AEBP2: variants seen among roughly 807,000 people sequenced by gnomAD.
The protein encoded by AEBP2 is zinc finger protein AEBP2.
A neutral mutation model predicts 50.8 loss-of-function variants in AEBP2; 10 were observed. The observed-to-expected ratio is 0.20, with a 90% CI of 0.12 to 0.33. The LOEUF (loss-of-function observed/expected upper bound fraction) is 0.33, where lower values mean the gene tolerates loss of function less well. Among genes scored for constraint, AEBP2 ranks in the 10% least tolerant of loss-of-function variants. The pLI, the probability that AEBP2 is intolerant of heterozygous loss-of-function variation, is 1.00. For synonymous variants in AEBP2, 296 were observed against 261.3 expected (o/e 1.13, Z -1.28); for missense variants, 570 against 688.0 (o/e 0.83, Z 1.92).
intron 1 of AEBP2, chr12:19,440,792 A>C: frequency 1.3e-6 from 2 of 1,527,916 alleles, no homozygotes; most frequent in Non-Finnish European, 1.8e-6. Context: ...TGTTTCCAAT[A>C]TGGCTGGTCT....
chr12:19,498,309 T>C (rs1194600842), intron 4 of AEBP2, among the ~76,000 whole-genome samples: 1 of 152,206 alleles, frequency 6.6e-6, no homozygotes, highest in East Asian at 1.9e-4. Context: ...CCCCTGGAAA[T>C]GTCAAGTACT....
intron 2 of AEBP2, among the ~76,000 whole-genome samples, chr12:19,470,359 G>T (rs943282594): frequency 1.3e-5 from 2 of 152,134 alleles, no homozygotes; most frequent in Non-Finnish European, 2.9e-5. Flanking sequence ...GTTTCACCAT[G>T]TTGGTCAGGC....
At chr12:19,418,634 C>T (rs1592704850) in intron 1 of AEBP2, among the ~76,000 whole-genome samples, 2 of 152,198 alleles carry the variant, frequency 1.3e-5, no homozygotes, top group East Asian at 3.9e-4. Flanking sequence ...AGTTGTCCTG[C>T]CTTTCCAGAC....
At chr12:19,499,953 T>A (rs1267778325) in intron 4 of AEBP2, 144 bp from the exon 5 acceptor site, 2 of 806,370 alleles carry the variant, frequency 2.5e-6, no homozygotes, top group African/African-American at 1.8e-5. Flanking sequence ...AGTCTTCTTA[T>A]CTAGAGTCCA....
chr12:19,497,572 A>G (rs529883547), intron 4 of AEBP2, among the ~76,000 whole-genome samples: 3 of 152,194 alleles, frequency 2.0e-5, no homozygotes, highest in African/African-American at 4.8e-5. Context: ...TCCCAGGTGC[A>G]ATCAATTCCC....
At chr12:19,456,926 G>T in intron 1 of AEBP2, 1 of 1,447,740 alleles carries the variant, frequency 6.9e-7, no homozygotes, top group Non-Finnish European at 9.7e-7. Context: ...TGAGTTGGTG[G>T]TAGGATGTAG....
intron 1 of AEBP2, among the ~76,000 whole-genome samples, chr12:19,408,236 A>G (rs1029356189): frequency 2.6e-5 from 4 of 152,098 alleles, no homozygotes; most frequent in African/African-American, 9.7e-5. Flanking sequence ...GGAAAGGGAA[A>G]CTGGGCAGTT....
intron 1 of AEBP2, chr12:19,413,310 T>C: frequency 1.5e-6 from 2 of 1,308,666 alleles, no homozygotes; most frequent in Non-Finnish European, 2.2e-6. Context: ...AATTACCTTA[T>C]ACAGATGGCA....
chr12:19,456,119 T>C, intron 1 of AEBP2: 1 of 577,406 alleles, frequency 1.7e-6, no homozygotes. Flanking sequence ...CTTCTGAAGG[T>C]TTTACAATGC....
chr12:19,462,779 G>T, intron 2 of AEBP2, 62 bp downstream of exon 2: 1 of 1,419,082 alleles, frequency 7.0e-7, no homozygotes, highest in South Asian at 1.4e-5. Context: ...ATTTATAATT[G>T]CTAGTTAGGC....
chr12:19,484,537 G>A (rs1456331287), intron 3 of AEBP2, among the ~76,000 whole-genome samples: 3 of 151,784 alleles, frequency 2.0e-5, no homozygotes, highest in Non-Finnish European at 4.4e-5. Flanking sequence ...ACCACGCCCA[G>A]CTAATTTTTG....
At chr12:19,420,245 T>C (rs1440965577) in intron 1 of AEBP2, among the ~76,000 whole-genome samples, 2 of 151,152 alleles carry the variant, frequency 1.3e-5, no homozygotes, top group East Asian at 3.9e-4. Flanking sequence ...GCCAGGCTGG[T>C]CTCGAACTCC....
chr12:19,442,727 G>A (rs1471798071), intron 1 of AEBP2, among the ~76,000 whole-genome samples: 2 of 152,198 alleles, frequency 1.3e-5, no homozygotes, highest in Non-Finnish European at 2.9e-5. Context: ...TTTGTCACTT[G>A]TATGAAGAAG....
chr12:19,512,414 A>G lies in AEBP2; in HGVS notation c.1316A>G (p.Lys439Arg). 1 of 1,572,748 alleles carries G rather than the reference A, an allele frequency of 6.4e-7. No homozygotes were observed. Among genetic ancestry groups the G allele is most frequent in the Non-Finnish European group, 8.6e-7 (1 of 1,156,796 alleles). Residue 439 changes from lysine to arginine, a missense_variant, in exon 6 of 8, where the codon AAA (lysine) becomes AGA (arginine). Physicochemically the swap from Lys to Arg is conservative, Grantham distance 26. Coordinates refer to ENST00000266508, the MANE Select transcript of AEBP2 (RefSeq NM_153207.5). Reference protein sequence around the residue: ...VFHSTVIAKRKEDSGKIKLLL... With the variant: ...VFHSTVIAKRREDSGKIKLLL... ...CATTATCAGGTAATAGCTAAGAGAA[A>G]AGAAGATTCTGGGAAGATCAAACTT... is the stretch of plus-strand genomic sequence containing the variant.
intron 1 of AEBP2, among the ~76,000 whole-genome samples, chr12:19,409,350 T>A (rs1415732487): frequency 1.4e-5 from 2 of 147,124 alleles, no homozygotes; most frequent in Non-Finnish European, 1.5e-5. Context: ...GCATTTGTGC[T>A]AAAAAAAAAA....
intron 5 of AEBP2, among the ~76,000 whole-genome samples, chr12:19,510,249 G>A (rs370542527): frequency 9.5e-4 from 144 of 152,282 alleles, no homozygotes; most frequent in Non-Finnish European, 1.5e-3. Context: ...GTGAGGGAAG[G>A]TAGGCACATA....
At chr12:19,509,415 T>G (rs1949200366) in intron 5 of AEBP2, among the ~76,000 whole-genome samples, 2 of 152,168 alleles carry the variant, frequency 1.3e-5, no homozygotes, top group East Asian at 1.9e-4. Context: ...AGTTAAAGCT[T>G]CTTTAATTCA....
intron 1 of AEBP2, among the ~76,000 whole-genome samples, chr12:19,462,069 A>C (rs1028132997): frequency 6.6e-6 from 1 of 152,208 alleles, no homozygotes; most frequent in Non-Finnish European, 1.5e-5. Flanking sequence ...AGATTAATGA[A>C]TAGAAGAGAT....
In AEBP2 at chr12:19,471,932, A is replaced by T. The variant is rs1948579605; in HGVS notation, c.880-1316A>T. 2.0e-5 allele frequency among the ~76,000 whole-genome samples: 3 copies of T among 152,278 alleles called. No homozygotes were observed. The South Asian group carries it at 6.2e-4, about 32-fold the overall frequency. ...GGCCATTAGTTTATAAACATGTTCT[A>T]GGGTTGGGAATTTTGAGTATGAAGG... On this transcript the variant is annotated intron_variant, in intron 2 of 7. Coordinates refer to ENST00000266508, the MANE Select transcript of AEBP2 (RefSeq NM_153207.5).
Sources: gnomAD v4.1 joint callset for allele counts (sites outside exome capture counted in the v4.1 genomes callset) on GRCh38, gnomAD v4.1.1 for gene constraint, MANE v1.5 for transcripts, NCBI Gene and HGNC (gene_info 2026-07-23, HGNC 2026-07-21) for gene names.